The following RSPO2 variants were observed in gnomAD, a reference collection of about 807,000 sequenced individuals.
RSPO2 encodes R-spondin-2.
In RSPO2, 14 loss-of-function variants were observed where a neutral mutation model predicts 30.9. That is an observed-to-expected ratio of 0.45 (90% CI 0.30 to 0.71). RSPO2 has a LOEUF of 0.71. RSPO2 is among the 30% of genes least tolerant of loss of function. The pLI is 0.08. For synonymous variants in RSPO2, 107 were observed against 96.4 expected (o/e 1.11, Z -0.64); for missense variants, 264 against 301.9 (o/e 0.87, Z 0.93).
At chr8:107,975,611 T>G (rs1468075873) in intron 3 of RSPO2, among the ~76,000 whole-genome samples, 2 of 152,256 alleles carry the variant, frequency 1.3e-5, no homozygotes, top group East Asian at 3.8e-4. Context: ...CCCTTGCTCC[T>G]ACTCTTAGGG....
At chr8:107,934,373 T>C (rs1174998438) in intron 5 of RSPO2, among the ~76,000 whole-genome samples, 1 of 9,476 alleles carries the variant, frequency 1.1e-4, no homozygotes, top group African/African-American at 2.9e-4. Flanking sequence ...TCATTTCCCT[T>C]TTTTTTTTTT....
At chr8:107,921,322 A>G (rs1812163273) in intron 5 of RSPO2, among the ~76,000 whole-genome samples, 1 of 151,538 alleles carries the variant, frequency 6.6e-6, no homozygotes, top group Admixed American at 6.6e-5. Context: ...CCCTTTAGAA[A>G]AAAAGAAGAG....
At chr8:108,077,687 T>C (rs992396320) in intron 2 of RSPO2, among the ~76,000 whole-genome samples, 8 of 152,166 alleles carry the variant, frequency 5.3e-5, no homozygotes, top group Non-Finnish European at 8.8e-5. Context: ...TAAATATACA[T>C]TATGTATACA....
chr8:108,057,411 C>T (rs1350850498), intron 2 of RSPO2, among the ~76,000 whole-genome samples: 1 of 151,932 alleles, frequency 6.6e-6, no homozygotes, highest in Non-Finnish European at 1.5e-5. Context: ...TTTCAAATTG[C>T]CAACAATGAA....
At chr8:107,943,440 A>G (rs1812962775) in intron 5 of RSPO2, among the ~76,000 whole-genome samples, 1 of 152,220 alleles carries the variant, frequency 6.6e-6, no homozygotes, top group Non-Finnish European at 1.5e-5. Flanking sequence ...CAAGTTCTTA[A>G]TAAATGCAAG....
chr8:108,065,955 T>C (rs1191015707), intron 2 of RSPO2, among the ~76,000 whole-genome samples: 4 of 152,096 alleles, frequency 2.6e-5, no homozygotes, highest in Non-Finnish European at 5.9e-5. Context: ...GGAGAATCAC[T>C]TGAACCCAGG....
intron 2 of RSPO2, among the ~76,000 whole-genome samples, chr8:108,061,627 G>A (rs1044372419): frequency 3.3e-5 from 5 of 151,862 alleles, no homozygotes; most frequent in South Asian, 2.1e-4. Flanking sequence ...ACAGATCAAC[G>A]AGACAGAAAG....
chr8:108,082,934 G>C (rs1170418071), intron 1 of RSPO2, 127 bp from the exon 2 acceptor site: 2 of 373,512 alleles, frequency 5.4e-6, no homozygotes, highest in African/African-American at 4.2e-5. Context: ...TGCCTAGCAC[G>C]AGCCGCGGAG....
intron 2 of RSPO2, among the ~76,000 whole-genome samples, chr8:108,062,487 G>C (rs1812502817): frequency 6.6e-6 from 1 of 151,754 alleles, no homozygotes; most frequent in African/African-American, 2.4e-5. Flanking sequence ...ACTAAACCAG[G>C]AAGAAGTTAA....
intron 2 of RSPO2, among the ~76,000 whole-genome samples, chr8:108,061,419 A>C (rs1185270896): frequency 6.6e-6 from 1 of 151,870 alleles, no homozygotes; most frequent in Non-Finnish European, 1.5e-5. Flanking sequence ...AAACCAACAA[A>C]GATCAAAAGA....
chr8:107,902,056 A>T (rs1279104299), intron 5 of RSPO2, among the ~76,000 whole-genome samples: 2 of 152,180 alleles, frequency 1.3e-5, no homozygotes, highest in African/African-American at 4.8e-5. Context: ...ACCTTTGTAC[A>T]CATAAGATTT....
chr8:107,971,536 C>G (rs16877046), intron 3 of RSPO2, among the ~76,000 whole-genome samples: 14,552 of 152,144 alleles, frequency 0.096, 930 homozygotes, highest in East Asian at 0.24. Context: ...TACTGCATTG[C>G]AACTGTGGAC....
chr8:107,989,185 A>C lies in RSPO2; in HGVS notation c.154T>G (p.Cys52Gly). The C allele has an allele frequency of 6.2e-7, 1 of 1,609,824 alleles. No homozygotes were observed. Among genetic ancestry groups the C allele is most frequent in the Non-Finnish European group, 8.5e-7 (1 of 1,178,588 alleles). ...GCLSCSKDNG[C>G]SRCQQKLFFF... is the part of the protein sequence containing the mutation. ...AACAACTTCTGTTGACATCGGCTAC[A>C]CCCATTGTCCTTTGAACAAGACAAA... The change falls in exon 3 of 6, where the codon TGT becomes GGT. Residue 52 changes from cysteine (C) to glycine (G), a missense_variant. By Grantham distance (159) the Cys-to-Gly change is radical. Transcript: ENST00000276659.
At chr8:107,942,791 A>C (rs942441194) in intron 5 of RSPO2, among the ~76,000 whole-genome samples, 6 of 152,242 alleles carry the variant, frequency 3.9e-5, no homozygotes, top group African/African-American at 1.4e-4. Flanking sequence ...AAACATAAAA[A>C]AAAGGTTGTT....
At chr8:108,001,932 C>A (rs183622487) in intron 2 of RSPO2, among the ~76,000 whole-genome samples, 1 of 152,230 alleles carries the variant, frequency 6.6e-6, no homozygotes, top group African/African-American at 2.4e-5. Flanking sequence ...AAATACCTAA[C>A]GCATGCCGGG....
intron 2 of RSPO2, among the ~76,000 whole-genome samples, chr8:108,029,868 G>C: frequency 6.6e-6 from 1 of 152,016 alleles, no homozygotes; most frequent in East Asian, 1.9e-4. Flanking sequence ...AATTAATTTT[G>C]ACTCTTTTAA....
At chr8:107,926,842 T>C (rs1385245126) in intron 5 of RSPO2, among the ~76,000 whole-genome samples, 1 of 152,220 alleles carries the variant, frequency 6.6e-6, no homozygotes, top group Non-Finnish European at 1.5e-5. Context: ...TGCCTCCAGC[T>C]TTGTTCTTTT....
chr8:107,963,351 T>C (rs1208758216), intron 3 of RSPO2, among the ~76,000 whole-genome samples: 1 of 150,998 alleles, frequency 6.6e-6, no homozygotes, highest in Non-Finnish European at 1.5e-5. Flanking sequence ...CTAGGCAACA[T>C]GGTAAAACCC....
At chr8:107,911,313 A>G (rs539674504) in intron 5 of RSPO2, among the ~76,000 whole-genome samples, 47 of 152,298 alleles carry the variant, frequency 3.1e-4, no homozygotes, top group African/African-American at 1.1e-3. Context: ...CAGCTCTTGG[A>G]TGGATCACTC....
Sources: allele counts gnomAD v4.1 joint callset (sites outside exome capture counted in the v4.1 genomes callset), GRCh38; gene constraint gnomAD v4.1.1; transcripts MANE v1.5; gene names NCBI Gene and HGNC (gene_info 2026-07-23, HGNC 2026-07-21).